MAMDC2: variants seen among roughly 807,000 people sequenced by gnomAD.
The protein encoded by MAMDC2 is MAM domain-containing protein 2.
Under a neutral mutation model 89.8 loss-of-function variants are expected in MAMDC2, and 57 were observed. The ratio of observed to expected loss-of-function variants is 0.63; its 90% CI spans 0.51 to 0.79. The LOEUF (loss-of-function observed/expected upper bound fraction) is 0.79, where lower values mean the gene tolerates loss of function less well. Among genes scored for constraint, MAMDC2 ranks in the 30% least tolerant of loss-of-function variants. The pLI is 0.00. For missense variants in MAMDC2, 800 were observed against 820.6 expected, an observed-to-expected ratio of 0.97 and a Z score of 0.31; for synonymous variants, 313 against 293.4, an observed-to-expected ratio of 1.07 and a Z score of -0.68.
At chr9:70,168,648 G>C in intron 9 of MAMDC2, 54 bp from the exon 10 acceptor site, 1 of 1,445,242 alleles carries the variant, frequency 6.9e-7, no homozygotes, top group Non-Finnish European at 9.7e-7. Flanking sequence ...AGGTTGTTAG[G>C]AGTTTCCAGT....
intron 9 of MAMDC2, among the ~76,000 whole-genome samples, chr9:70,156,523 G>A (rs1431745815): frequency 6.6e-6 from 1 of 152,164 alleles, no homozygotes; most frequent in East Asian, 1.9e-4. Context: ...AACTGCTTCA[G>A]GATATTAATG....
At chr9:70,169,869 T>C (rs747691040) in intron 10 of MAMDC2, 4 of 152,216 alleles carry the variant, frequency 2.6e-5, no homozygotes, top group African/African-American at 4.8e-5. Context: ...TATTGAGAAC[T>C]TCACATTAAA....
At chr9:70,074,178 T>G (rs1210527686) in intron 2 of MAMDC2, among the ~76,000 whole-genome samples, 3 of 152,212 alleles carry the variant, frequency 2.0e-5, no homozygotes, top group Admixed American at 6.5e-5. Context: ...GCCCTTATCC[T>G]CATGGTCTCA....
At chr9:70,055,232 G>C (rs1201227044) in intron 2 of MAMDC2, among the ~76,000 whole-genome samples, 1 of 151,866 alleles carries the variant, frequency 6.6e-6, no homozygotes, top group East Asian at 1.9e-4. Flanking sequence ...GCCCAGGTCT[G>C]TGATCTATAG....
At chr9:70,081,149 T>C (rs1827643151) in intron 2 of MAMDC2, among the ~76,000 whole-genome samples, 1 of 152,094 alleles carries the variant, frequency 6.6e-6, no homozygotes. Flanking sequence ...GGAGAGAGCT[T>C]GATGGGACAG....
intron 11 of MAMDC2, among the ~76,000 whole-genome samples, chr9:70,181,353 A>G (rs2032641975): frequency 6.6e-6 from 1 of 152,152 alleles, no homozygotes; most frequent in Non-Finnish European, 1.5e-5. Context: ...TTGGTTCCAT[A>G]TGAAATTTAA....
chr9:70,157,791 T>C (rs1211208770), intron 9 of MAMDC2: 6 of 152,416 alleles, frequency 3.9e-5, no homozygotes. Flanking sequence ...TTGCAACATA[T>C]GCAACAAAGT....
At chr9:70,100,293 G>A (rs1292638022) in intron 2 of MAMDC2, among the ~76,000 whole-genome samples, 2 of 152,178 alleles carry the variant, frequency 1.3e-5, no homozygotes, top group African/African-American at 2.4e-5. Flanking sequence ...TGCCCAAAGT[G>A]ACATTGTTTC....
Position 70,044,101 on chromosome 9 carries a change from C to G in MAMDC2, c.-97C>G. 1 of 1,453,078 alleles carries G rather than the reference C, an allele frequency of 6.9e-7. No homozygotes were observed. The highest frequency in any genetic ancestry group is 9.6e-7 in the Non-Finnish European group (1 of 1,043,598). 90.0% of individuals were successfully genotyped at this position (1,453,078 alleles called of 1,614,324 possible). ...GACTTCTCCCTCCTTGGGTCCCCGG[C>G]GCCCCCGCCTCCCACGATCCCTTTC... On this transcript the variant is annotated 5_prime_UTR_variant, in exon 1 of 14. Coordinates refer to ENST00000377182, the MANE Select transcript of MAMDC2 (RefSeq NM_153267.5).
chr9:70,134,433 T>A (rs1291626219), intron 7 of MAMDC2, among the ~76,000 whole-genome samples: 1 of 151,570 alleles, frequency 6.6e-6, no homozygotes, highest in Non-Finnish European at 1.5e-5. Flanking sequence ...GGTCTGTAAA[T>A]CTTTGAATGC....
intron 2 of MAMDC2, among the ~76,000 whole-genome samples, chr9:70,061,624 C>CA (rs1374712888): frequency 6.6e-6 from 1 of 151,852 alleles, no homozygotes; most frequent in Non-Finnish European, 1.5e-5. Context: ...AAGATGGTGC[C>CA]AAAAATCAAA....
chr9:70,149,385 C>T (rs1305193921), intron 9 of MAMDC2, among the ~76,000 whole-genome samples: 1 of 151,986 alleles, frequency 6.6e-6, no homozygotes, highest in East Asian at 1.9e-4. Flanking sequence ...CAGGATCAGG[C>T]AGGGGAAGCT....
In MAMDC2 at chr9:70,109,810, TG is replaced by T; in HGVS notation, c.505+9del. 1 of 1,607,874 alleles carries T rather than the reference TG, an allele frequency of 6.2e-7. No homozygotes were observed. Among genetic ancestry groups the T allele is most frequent in the Non-Finnish European group, 8.5e-7 (1 of 1,174,756 alleles). On this transcript the variant is annotated splice_region_variant and intron_variant, in intron 4 of 13. Coordinates refer to ENST00000377182, the MANE Select transcript of MAMDC2 (RefSeq NM_153267.5). ...GACAACCGGCTACTGTATTGGTAAGTGGGCTTCATTTTCATTAAATCAAATT... is the reference window on the plus strand; with the variant it reads ...GACAACCGGCTACTGTATTGGTAAGTGGCTTCATTTTCATTAAATCAAATT...
chr9:70,206,315 T>C (rs562992797), intron 11 of MAMDC2, among the ~76,000 whole-genome samples: 1 of 152,310 alleles, frequency 6.6e-6, no homozygotes, highest in East Asian at 1.9e-4. Flanking sequence ...TGTTAATCTC[T>C]TACAGCATCT....
chr9:70,197,560 A>T (rs527746443), intron 11 of MAMDC2, among the ~76,000 whole-genome samples: 22 of 152,142 alleles, frequency 1.4e-4, no homozygotes, highest in Non-Finnish European at 3.1e-4. Flanking sequence ...TTGCACAGAC[A>T]TCAAAGGACA....
intron 2 of MAMDC2, among the ~76,000 whole-genome samples, chr9:70,101,868 A>C (rs995878399): frequency 6.6e-6 from 1 of 152,248 alleles, no homozygotes; most frequent in African/African-American, 2.4e-5. Flanking sequence ...TCAGTTTTAC[A>C]GTCTAAAGTC....
intron 9 of MAMDC2, among the ~76,000 whole-genome samples, chr9:70,157,345 C>A (rs1004148583): frequency 6.6e-6 from 1 of 152,194 alleles, no homozygotes; most frequent in African/African-American, 2.4e-5. Flanking sequence ...GAGCTATAAG[C>A]TCAACTCATG....
chr9:70,212,010 C>T (rs1392648168), intron 11 of MAMDC2, among the ~76,000 whole-genome samples: 1 of 152,210 alleles, frequency 6.6e-6, no homozygotes, highest in African/African-American at 2.4e-5. Flanking sequence ...GAGGGGCACC[C>T]AGCTGTATTA....
At chr9:70,083,292 T>G (rs1194240162) in intron 2 of MAMDC2, 5 of 152,182 alleles carry the variant, frequency 3.3e-5, no homozygotes, top group African/African-American at 1.2e-4. Context: ...ATTTTCATTT[T>G]ACAGTGTATA....
Sources: gnomAD v4.1 joint callset for allele counts (sites outside exome capture counted in the v4.1 genomes callset) on GRCh38, gnomAD v4.1.1 for gene constraint, MANE v1.5 for transcripts, NCBI Gene and HGNC (gene_info 2026-07-23, HGNC 2026-07-21) for gene names.